Variants in SAP130 observed in about 807,000 individuals in gnomAD.
SAP130 encodes histone deacetylase complex subunit SAP130.
Under a neutral mutation model 103.2 loss-of-function variants are expected in SAP130, and 16 were observed. That is an observed-to-expected ratio of 0.16 (90% confidence interval 0.10 to 0.24). The LOEUF (loss-of-function observed/expected upper bound fraction) is 0.24. Among genes scored for constraint, SAP130 ranks in the 10% least tolerant of loss-of-function variants. The probability of loss-of-function intolerance (pLI) is 1.00; values close to 1 mark genes in which losing one functional copy is unlikely to be tolerated. For synonymous variants in SAP130, 477 were observed against 497.0 expected (o/e 0.96, Z 0.53); for missense variants, 990 against 1,359.7 (o/e 0.73, Z 4.28).
Position 127,953,363 on chromosome 2 carries a change from C to G in SAP130, c.2422+1623G>C, listed in dbSNP as rs1396813946. On this transcript the variant is annotated intron_variant, in intron 16 of 20. Transcript: ENST00000643581. This position sits in a 1 kb window ranked among gnomAD's most constrained non-coding sequence, Gnocchi z 4.0. ...CCTTCATTGCTCCTGGCAATTAATG[C>G]AACAGCCGCTTGACAGGTCTCCCCG... 1.3e-5 allele frequency among the ~76,000 whole-genome samples: 2 copies of G among 152,234 alleles called. No homozygotes were observed. The highest frequency in any genetic ancestry group is 4.8e-5 in the African/African-American group (2 of 41,460).
At chr2:128,002,386 G>T (rs111480936) in intron 7 of SAP130, among the ~76,000 whole-genome samples, 1 of 151,850 alleles carries the variant, frequency 6.6e-6, no homozygotes, top group African/African-American at 2.4e-5. Context: ...AAAATTAACC[G>T]GGTGCGGTGG....
In SAP130 at chr2:128,025,003, C is replaced by CAAAAAAAA. The variant is rs35797540; in HGVS notation, c.112+1170_112+1177dup. Among the ~76,000 whole-genome samples the CAAAAAAAA allele has an allele frequency of 3.0e-5, 3 of 100,268 alleles. 1 individual carries two copies. Among genetic ancestry groups the CAAAAAAAA allele is most frequent in the Non-Finnish European group, 4.2e-5 (2 of 47,600 alleles). 65.8% of individuals were successfully genotyped at this position (100,268 alleles called of 152,430 possible). A position where few individuals can be genotyped will look rare whatever the true frequency, so the allele number is the denominator to read the frequency against. Reference sequence around the variant, plus strand: ...AGTGACAGAGTGAGACCCTATTGCGCAAAAAAAAAAAAAAAAAAGCCTCAG... The same window carrying CAAAAAAAA: ...AGTGACAGAGTGAGACCCTATTGCGCAAAAAAAAAAAAAAAAAAAAAAAAAAGCCTCAG... On this transcript the variant is annotated intron_variant, in intron 2 of 20. Transcript: ENST00000643581.
chr2:127,970,895 C>T (rs1573697092), intron 15 of SAP130, among the ~76,000 whole-genome samples: 1 of 152,088 alleles, frequency 6.6e-6, no homozygotes, highest in Non-Finnish European at 1.5e-5. Context: ...CATGATATGA[C>T]GCATGCTTGG....
chr2:128,017,646 TG>T, intron 3 of SAP130, 33 bp downstream of exon 3: 1 of 1,555,232 alleles, frequency 6.4e-7, no homozygotes, highest in Non-Finnish European at 8.9e-7. Context: ...TCTCGAGCTC[TG>T]GTTCAGTGTG....
At chr2:127,983,124 C>G (rs1022101261) in intron 14 of SAP130, among the ~76,000 whole-genome samples, 6 of 152,158 alleles carry the variant, frequency 3.9e-5, no homozygotes, top group Non-Finnish European at 8.8e-5. Flanking sequence ...TGCCAGACAT[C>G]ATGTCCTTCC....
chr2:127,972,232 C>T (rs753224093), intron 15 of SAP130, among the ~76,000 whole-genome samples: 18 of 152,238 alleles, frequency 1.2e-4, no homozygotes, highest in Admixed American at 5.9e-4. Context: ...CACAGGGAGA[C>T]TTTGGTACCT....
chr2:127,962,853 A>G (rs1000823597), intron 15 of SAP130, among the ~76,000 whole-genome samples: 1 of 151,524 alleles, frequency 6.6e-6, no homozygotes, highest in Non-Finnish European at 1.5e-5. Context: ...CGTTGTGCAC[A>G]TGTACCCTAA....
intron 19 of SAP130, among the ~76,000 whole-genome samples, chr2:127,944,881 AAC>A (rs1259929704): frequency 6.7e-6 from 1 of 148,426 alleles, no homozygotes; most frequent in African/African-American, 2.5e-5. Flanking sequence ...CAACCTGGGT[AAC>A]AGAGCAAGAC....
chr2:128,006,566 G>A (rs1461887715), intron 7 of SAP130, among the ~76,000 whole-genome samples: 1 of 152,176 alleles, frequency 6.6e-6, no homozygotes, highest in Non-Finnish European at 1.5e-5. Flanking sequence ...CTTGAGCCCA[G>A]GAGTTTGACA....
At chr2:128,005,726 A>G (rs1057245151) in intron 7 of SAP130, among the ~76,000 whole-genome samples, 16 of 151,100 alleles carry the variant, frequency 1.1e-4, no homozygotes, top group Non-Finnish European at 2.2e-4. Context: ...GGCTCACTGC[A>G]ACCTCCGCCT....
Position 127,986,262 on chromosome 2 carries a change from C to G in SAP130, c.1958+523G>C, listed in dbSNP as rs1185950764. Among the ~76,000 whole-genome samples, 1 of 152,198 alleles carries G rather than the reference C, an allele frequency of 6.6e-6. No homozygotes were observed. The highest frequency in any genetic ancestry group is 1.5e-5 in the Non-Finnish European group (1 of 68,040). On this transcript the variant is annotated intron_variant, in intron 14 of 20. Coordinates refer to ENST00000643581, the MANE Select transcript of SAP130 (RefSeq NM_001330301.2). This position sits in a 1 kb window ranked among gnomAD's most constrained non-coding sequence, Gnocchi z 4.7. ...CACTGGGGTTTCAGCTGTAAACATT[C>G]ACCTCTAGACACTGCTGTAGGGTTG...
chr2:128,010,178 A>G, intron 7 of SAP130, 91 bp downstream of exon 7: 1 of 1,411,802 alleles, frequency 7.1e-7, no homozygotes, highest in South Asian at 1.4e-5. Context: ...AAGCCACTCA[A>G]TAAATATTTA....
intron 15 of SAP130, among the ~76,000 whole-genome samples, chr2:127,963,438 C>G (rs191884574): frequency 9.2e-5 from 14 of 152,274 alleles, no homozygotes; most frequent in Non-Finnish European, 2.9e-5. Flanking sequence ...CCATGTTGCC[C>G]AAGCCGGTCT....
rs554996521 is a variant in SAP130, at chr2:127,949,594, G to A, written c.2797+275C>T. Among the ~76,000 whole-genome samples, 324 of 152,240 alleles carry A rather than the reference G, an allele frequency of 2.1e-3. 2 individuals carry two copies. The highest frequency in any genetic ancestry group is 3.5e-3 in the Non-Finnish European group (239 of 68,018). ...CAGGTATCCTCTATCAGTACTTTGGGAGCTGTTAACATGTGGGTTTTACAA... is the reference window on the plus strand; with the variant it reads ...CAGGTATCCTCTATCAGTACTTTGGAAGCTGTTAACATGTGGGTTTTACAA... On this transcript the variant is annotated intron_variant, in intron 18 of 20. Coordinates refer to ENST00000643581, the MANE Select transcript of SAP130 (RefSeq NM_001330301.2).
intron 1 of SAP130, 90 bp from the exon 2 acceptor site, chr2:128,026,388 A>T: frequency 1.2e-6 from 1 of 856,414 alleles, no homozygotes; most frequent in South Asian, 1.6e-5. Flanking sequence ...CCTATGAGAT[A>T]GTCCCTTGGA....
chr2:127,970,538 T>A (rs536459704), intron 15 of SAP130, among the ~76,000 whole-genome samples: 2 of 91,580 alleles, frequency 2.2e-5, no homozygotes, highest in Admixed American at 1.3e-4. Flanking sequence ...CAAGACTCTG[T>A]CTTAAAAAAA....
chr2:127,999,751 G>A lies in SAP130; in HGVS notation c.1203C>T (p.Asn401=), dbSNP rs1683419176. Residue 401 remains asparagine (N), a synonymous_variant, in exon 10 of 21, where the codon AAC becomes AAT. Coordinates refer to ENST00000643581, the MANE Select transcript of SAP130 (RefSeq NM_001330301.2). ...SSHATAVTTS[N]IPVAKVVPQQ... Reference sequence around the variant, plus strand: ...CAGCAGGCCACTTACCGACTGGGATGTTTGAGGTGGTCACAGCAGTAGCAT... The same window carrying A: ...CAGCAGGCCACTTACCGACTGGGATATTTGAGGTGGTCACAGCAGTAGCAT... The A allele has an allele frequency of 1.3e-6, 2 of 1,513,964 alleles. No individual in the cohort carries two copies. Among genetic ancestry groups the A allele is most frequent in the Non-Finnish European group, 8.8e-7 (1 of 1,133,398 alleles). 93.8% of individuals were successfully genotyped at this position (1,513,964 alleles called of 1,614,324 possible).
intron 15 of SAP130, among the ~76,000 whole-genome samples, chr2:127,964,168 C>T (rs1398927141): frequency 6.6e-6 from 1 of 152,142 alleles, no homozygotes; most frequent in African/African-American, 2.4e-5. Flanking sequence ...GCACTCCAGC[C>T]TGGATGACAC....
chr2:128,008,684 T>A (rs1228377934), intron 7 of SAP130, among the ~76,000 whole-genome samples: 1 of 150,258 alleles, frequency 6.7e-6, no homozygotes, highest in Admixed American at 6.6e-5. Context: ...ATCCTTTTCC[T>A]GTTTGTTTTT....
Sources: allele counts gnomAD v4.1 joint callset (sites outside exome capture counted in the v4.1 genomes callset), GRCh38; gene constraint gnomAD v4.1.1; non-coding constraint Gnocchi (gnomAD v3.1); transcripts MANE v1.5; gene names NCBI Gene and HGNC (gene_info 2026-07-23, HGNC 2026-07-21).